The following SGSM1 variants were observed in gnomAD, a reference collection of about 807,000 sequenced individuals.
SGSM1 encodes the protein small G protein signaling modulator 1.
Under a neutral mutation model 133.8 loss-of-function variants are expected in SGSM1, and 73 were observed. The observed-to-expected ratio is 0.55, with a 90% CI of 0.45 to 0.66. The LOEUF (loss-of-function observed/expected upper bound fraction) is 0.66, where lower values mean the gene tolerates loss of function less well. SGSM1 is among the 30% of genes least tolerant of loss of function. SGSM1 has a pLI of 0.00. For synonymous variants in SGSM1, 563 were observed against 573.0 expected (o/e 0.98, Z 0.25); for missense variants, 1,213 against 1,448.1 (o/e 0.84, Z 2.64).
At chr22:24,806,542 GAA>G (rs2147770015) in intron 2 of SGSM1, 58 bp downstream of exon 2, 1 of 1,479,430 alleles carries the variant, frequency 6.8e-7, no homozygotes, top group Non-Finnish European at 9.0e-7. Context: ...GGCCAAACGG[GAA>G]AAGAGTCTTC....
At chr22:24,806,937 C>T (rs1433447186) in intron 2 of SGSM1, among the ~76,000 whole-genome samples, 1 of 152,052 alleles carries the variant, frequency 6.6e-6, no homozygotes, top group African/African-American at 2.4e-5. Flanking sequence ...GAAAATAAAA[C>T]CTCCCTTCCC....
chr22:24,912,474 C>A (rs1013582536), intron 21 of SGSM1, among the ~76,000 whole-genome samples, 169 bp from the exon 22 acceptor site: 2 of 152,148 alleles, frequency 1.3e-5, no homozygotes, highest in African/African-American at 4.8e-5. Flanking sequence ...GTCAGGAGAT[C>A]AAGACCATCC....
In SGSM1 at chr22:24,901,835, A is replaced by G. The variant is rs1480578327; in HGVS notation, c.2613A>G (p.Pro871=). The part of the protein sequence containing the change: ...PVSSSGVTYS[P]ELLDLYTVNL... The stretch of plus-strand genomic sequence containing the variant: ...CCCCCTGCCCCGATGGCCTATAGCC[A>G]GAGCTGCTGGATCTGTACACGGTGA... The change falls in exon 20 of 25, where the codon CCA becomes CCG. Residue 871 remains proline (P), a splice_region_variant and synonymous_variant. Coordinates refer to ENST00000400358, the MANE Select transcript of SGSM1 (RefSeq NM_001098497.3). 1 of 1,612,910 alleles carries G rather than the reference A, an allele frequency of 6.2e-7. No homozygotes were observed. Among genetic ancestry groups the G allele is most frequent in the Non-Finnish European group, 8.5e-7 (1 of 1,179,482 alleles).
intron 3 of SGSM1, among the ~76,000 whole-genome samples, chr22:24,846,623 T>C (rs2147837938): frequency 6.6e-6 from 1 of 152,314 alleles, no homozygotes; most frequent in Non-Finnish European, 1.5e-5. Flanking sequence ...AAGAATCTCC[T>C]CAAGGTTTCT....
intron 12 of SGSM1, among the ~76,000 whole-genome samples, chr22:24,872,432 C>A (rs1931811678): frequency 1.3e-5 from 2 of 151,972 alleles, no homozygotes; most frequent in South Asian, 4.2e-4. Flanking sequence ...GAAACATCTC[C>A]AGGGCAGATG....
At chr22:24,848,178 T>C (rs945952124) in intron 4 of SGSM1, among the ~76,000 whole-genome samples, 2 of 151,724 alleles carry the variant, frequency 1.3e-5, no homozygotes, top group Non-Finnish European at 2.9e-5. Context: ...CAGAACTTCA[T>C]GAGAGCAGGC....
At chr22:24,836,478 A>G (rs1244506439) in intron 2 of SGSM1, among the ~76,000 whole-genome samples, 2 of 152,236 alleles carry the variant, frequency 1.3e-5, no homozygotes, top group Non-Finnish European at 1.5e-5. Flanking sequence ...CAGAAGTGGA[A>G]TGACTGGATG....
intron 2 of SGSM1, among the ~76,000 whole-genome samples, chr22:24,810,505 G>A (rs997549878): frequency 5.9e-5 from 9 of 152,106 alleles, no homozygotes; most frequent in Non-Finnish European, 8.8e-5. Flanking sequence ...TTCCCAGAGC[G>A]AGCAGGGACT....
intron 2 of SGSM1, among the ~76,000 whole-genome samples, chr22:24,836,175 G>T (rs916121468): frequency 7.2e-5 from 11 of 152,186 alleles, no homozygotes; most frequent in African/African-American, 2.7e-4. Flanking sequence ...ACTACTCTAA[G>T]TACCTCTTAT....
chr22:24,890,229 T>C lies in SGSM1; in HGVS notation c.1771-3202T>C, dbSNP rs1041254815. On this transcript the variant is annotated intron_variant, in intron 16 of 24. Transcript: ENST00000400358. ...CCTTGGCCTCCCAAAGTCCTGGGAT[T>C]ACAGGCATGAGCCACCACGCCCGGA... is the stretch of plus-strand genomic sequence containing the variant. Among the ~76,000 whole-genome samples the C allele has an allele frequency of 2.0e-5, 3 of 152,224 alleles. No individual in the cohort carries two copies. The East Asian group carries it at 5.8e-4, about 29-fold the overall frequency.
At chr22:24,823,784 C>A (rs1928630057) in intron 2 of SGSM1, among the ~76,000 whole-genome samples, 1 of 151,720 alleles carries the variant, frequency 6.6e-6, no homozygotes, top group African/African-American at 2.4e-5. Context: ...GTGGTGCGTA[C>A]CTATAGTCCC....
chr22:24,890,682 A>G (rs1325499932), intron 16 of SGSM1, among the ~76,000 whole-genome samples: 5 of 152,156 alleles, frequency 3.3e-5, no homozygotes, highest in African/African-American at 1.2e-4. Flanking sequence ...CTGGGACTAC[A>G]GGCACCTGCC....
chr22:24,841,894 G>A lies in SGSM1; in HGVS notation c.64-3003G>A, dbSNP rs60340794. ...TAAGGGGGTAAAGGAATTTGCCCAA[G>A]TTGTGATAAGTGTCTCATCCAGGAT... On this transcript the variant is annotated intron_variant, in intron 2 of 24. Transcript: ENST00000400358. 3.6e-3 allele frequency among the ~76,000 whole-genome samples: 547 copies of A among 152,252 alleles called. 4 individuals carry two copies. Among genetic ancestry groups the A allele is most frequent in the African/African-American group, 0.013 (535 of 41,544 alleles).
chr22:24,844,950 C>CA lies in SGSM1; in HGVS notation c.118dup (p.Ser40LysfsTer30), dbSNP rs766992063. ...CACGCAAGTTTGTCCACGAAGACAG[C>CA]AGCCACATCATCTCCTTCTGTGGTG... is the stretch of plus-strand genomic sequence containing the variant. On this transcript the variant is annotated frameshift_variant, in exon 3 of 25. Coordinates refer to ENST00000400358, the MANE Select transcript of SGSM1 (RefSeq NM_001098497.3). LOFTEE classifies it high-confidence loss of function. 6.2e-7 allele frequency: 1 copy of CA among 1,613,844 alleles called. No individual in the cohort carries two copies. The highest frequency in any genetic ancestry group is 8.5e-7 in the Non-Finnish European group (1 of 1,179,872).
intron 21 of SGSM1, 56 bp downstream of exon 21, chr22:24,905,243 G>A (rs1933330388): frequency 2.6e-6 from 4 of 1,512,896 alleles, no homozygotes; most frequent in Middle Eastern, 3.4e-4. Context: ...CCACTGCATG[G>A]CAGAAGGCTT....
chr22:24,847,628 C>G lies in SGSM1; in HGVS notation c.140-6C>G. The G allele has an allele frequency of 6.2e-7, 1 of 1,612,762 alleles. No individual in the cohort carries two copies. Among genetic ancestry groups the G allele is most frequent in the Non-Finnish European group, 8.5e-7 (1 of 1,179,420 alleles). On this transcript the variant is annotated splice_region_variant and splice_polypyrimidine_tract_variant and intron_variant, in intron 3 of 24. Coordinates refer to ENST00000400358, the MANE Select transcript of SGSM1 (RefSeq NM_001098497.3). ...GCAGGGTCTGCTGACTGCCATGTCC[C>G]TGCAGCGGCTGTGGAGGCCTGCGTT...
chr22:24,915,919 T>C (rs1015276147), intron 22 of SGSM1, among the ~76,000 whole-genome samples: 5 of 152,242 alleles, frequency 3.3e-5, no homozygotes, highest in Non-Finnish European at 7.3e-5. Flanking sequence ...CCATTTTCTA[T>C]GTACATGTTT....
chr22:24,880,839 C>T (rs988754360), intron 14 of SGSM1, among the ~76,000 whole-genome samples: 3 of 152,144 alleles, frequency 2.0e-5, no homozygotes, highest in Admixed American at 6.5e-5. Context: ...CAGATCCCAG[C>T]GATGCGACTT....
intron 2 of SGSM1, among the ~76,000 whole-genome samples, chr22:24,818,247 A>T (rs907777950): frequency 2.8e-4 from 42 of 151,650 alleles, no homozygotes; most frequent in African/African-American, 9.5e-4. Flanking sequence ...AAAAAAAAAT[A>T]AAATAAAATA....
Sources: allele counts gnomAD v4.1 joint callset (sites outside exome capture counted in the v4.1 genomes callset), GRCh38; gene constraint gnomAD v4.1.1; transcripts MANE v1.5; gene names NCBI Gene and HGNC (gene_info 2026-07-23, HGNC 2026-07-21).